ARFIP1: variants seen among roughly 807,000 people sequenced by gnomAD.
ARFIP1 encodes the protein ARF interacting protein 1.
Under a neutral mutation model 42.5 loss-of-function variants are expected in ARFIP1, and 24 were observed. That is an observed-to-expected ratio of 0.57 (90% CI 0.41 to 0.80). ARFIP1 has a LOEUF of 0.80. Among genes scored for constraint, ARFIP1 ranks in the 30% least tolerant of loss-of-function variants. The probability of loss-of-function intolerance (pLI) is 0.00; values close to 1 mark genes in which losing one functional copy is unlikely to be tolerated. For synonymous variants in ARFIP1, 141 were observed against 153.7 expected, an observed-to-expected ratio of 0.92 and a Z score of 0.61; for missense variants, 354 against 434.0, an observed-to-expected ratio of 0.82 and a Z score of 1.64.
intron 1 of ARFIP1, among the ~76,000 whole-genome samples, chr4:152,783,399 T>C (rs1730617940): frequency 6.6e-6 from 1 of 152,256 alleles, no homozygotes; most frequent in Non-Finnish European, 1.5e-5. Context: ...TATCTAACAC[T>C]GTAACAGTTA....
At chr4:152,884,896 A>G (rs1254316982) in intron 7 of ARFIP1, among the ~76,000 whole-genome samples, 4 of 152,096 alleles carry the variant, frequency 2.6e-5, no homozygotes, top group African/African-American at 9.6e-5. Context: ...GAACAAAATT[A>G]TAAATCAAGT....
Position 152,870,841 on chromosome 4 carries a change from T to A in ARFIP1, c.291T>A (p.Val97=). The A allele has an allele frequency of 1.2e-6, 2 of 1,612,212 alleles. No individual in the cohort carries two copies. Among genetic ancestry groups the A allele is most frequent in the Non-Finnish European group, 1.7e-6 (2 of 1,178,320 alleles). Residue 97 remains valine, a synonymous_variant, in exon 4 of 9, where the codon GTT becomes GTA. Transcript: ENST00000353617. The part of the protein sequence containing the change: ...RLAQQGSDLI[V]PAGGQRTQTK... The stretch of plus-strand genomic sequence containing the variant: ...CTCAGCAAGGAAGTGATTTAATTGT[T>A]CCTGCAGGTATTCACTGCACTGATT...
At chr4:152,887,092 G>A (rs1736323690) in intron 7 of ARFIP1, among the ~76,000 whole-genome samples, 1 of 151,936 alleles carries the variant, frequency 6.6e-6, no homozygotes, top group South Asian at 2.1e-4. Context: ...TAAGCTTTGT[G>A]ATTCTGATCT....
At chr4:152,860,635 G>A (rs1294283186) in intron 2 of ARFIP1, among the ~76,000 whole-genome samples, 3 of 152,160 alleles carry the variant, frequency 2.0e-5, no homozygotes, top group Admixed American at 6.5e-5. Flanking sequence ...ACATCTCACT[G>A]CCAGTGTGAT....
intron 1 of ARFIP1, among the ~76,000 whole-genome samples, chr4:152,821,398 G>T (rs1730355127): frequency 6.6e-6 from 1 of 152,126 alleles, no homozygotes; most frequent in South Asian, 2.1e-4. Flanking sequence ...AAGAATTTCA[G>T]AACTCAAAGA....
intron 3 of ARFIP1, among the ~76,000 whole-genome samples, chr4:152,867,800 T>G (rs1416036046): frequency 6.6e-6 from 1 of 152,202 alleles, no homozygotes; most frequent in African/African-American, 2.4e-5. Flanking sequence ...AATATATGTC[T>G]CTCTGAACTG....
intron 3 of ARFIP1, among the ~76,000 whole-genome samples, chr4:152,865,657 T>G (rs1224825988): frequency 6.6e-6 from 1 of 152,122 alleles, no homozygotes. Context: ...AGCAATCACG[T>G]CAGTGTCTTA....
intron 1 of ARFIP1, among the ~76,000 whole-genome samples, chr4:152,821,234 A>G (rs1232579162): frequency 6.6e-6 from 1 of 152,230 alleles, no homozygotes; most frequent in Non-Finnish European, 1.5e-5. Flanking sequence ...TAAAACCAAC[A>G]TAAATTTAAA....
chr4:152,894,276 T>G (rs1737122352), intron 8 of ARFIP1, among the ~76,000 whole-genome samples: 1 of 151,170 alleles, frequency 6.6e-6, no homozygotes, highest in Non-Finnish European at 1.5e-5. Flanking sequence ...ACACTAAAGG[T>G]TTGGAAAAGC....
intron 2 of ARFIP1, among the ~76,000 whole-genome samples, 156 bp downstream of exon 2, chr4:152,829,882 A>T (rs1213880182): frequency 6.6e-6 from 1 of 152,132 alleles, no homozygotes; most frequent in Non-Finnish European, 1.5e-5. Flanking sequence ...AAGGAAGGCC[A>T]TTTTAGTAGT....
intron 1 of ARFIP1, among the ~76,000 whole-genome samples, chr4:152,806,698 G>A (rs1162840586): frequency 1.3e-5 from 2 of 151,788 alleles, no homozygotes; most frequent in Admixed American, 6.6e-5. Flanking sequence ...TACATTACTT[G>A]TCTCCCAGGC....
At chr4:152,874,102 T>C (rs1341666312) in intron 5 of ARFIP1, among the ~76,000 whole-genome samples, 1 of 152,230 alleles carries the variant, frequency 6.6e-6, no homozygotes, top group Non-Finnish European at 1.5e-5. Flanking sequence ...GTTTAGTTGA[T>C]GTTTTCATTG....
chr4:152,888,820 G>A (rs765204656), intron 8 of ARFIP1, among the ~76,000 whole-genome samples: 9 of 152,108 alleles, frequency 5.9e-5, no homozygotes, highest in African/African-American at 1.4e-4. Context: ...CTAGAGCAAC[G>A]AGGGCTGAAC....
intron 2 of ARFIP1, among the ~76,000 whole-genome samples, chr4:152,842,964 T>C (rs1732215034): frequency 6.6e-6 from 1 of 152,122 alleles, no homozygotes; most frequent in Admixed American, 6.5e-5. Flanking sequence ...TGAACTTGTG[T>C]GATTTTTTGG....
chr4:152,782,994 G>A (rs1008380657), intron 1 of ARFIP1, among the ~76,000 whole-genome samples: 9 of 152,138 alleles, frequency 5.9e-5, no homozygotes, highest in Non-Finnish European at 1.0e-4. Context: ...ACTTGGGGGA[G>A]CAGTCAACAT....
intron 2 of ARFIP1, among the ~76,000 whole-genome samples, chr4:152,839,097 A>G (rs1731870810): frequency 6.6e-6 from 1 of 152,112 alleles, no homozygotes; most frequent in South Asian, 2.1e-4. Context: ...TGACTTGTAT[A>G]TGTTAAACCA....
chr4:152,890,350 C>G (rs865918780), intron 8 of ARFIP1, among the ~76,000 whole-genome samples: 2 of 152,068 alleles, frequency 1.3e-5, no homozygotes, highest in African/African-American at 4.8e-5. Flanking sequence ...GCCAGGTCGT[C>G]TCTATAAATT....
intron 2 of ARFIP1, among the ~76,000 whole-genome samples, chr4:152,830,862 C>A (rs973108392): frequency 3.3e-5 from 5 of 152,104 alleles, no homozygotes; most frequent in Non-Finnish European, 7.4e-5. Context: ...ATAAATAGAT[C>A]GGTTTAAATA....
chr4:152,878,197 AT>A, intron 5 of ARFIP1, among the ~76,000 whole-genome samples: 1 of 152,204 alleles, frequency 6.6e-6, no homozygotes, highest in Non-Finnish European at 1.5e-5. Flanking sequence ...GTTCTTCAAA[AT>A]GAATTTTTCA....
Sources: allele counts gnomAD v4.1 joint callset (sites outside exome capture counted in the v4.1 genomes callset), GRCh38; gene constraint gnomAD v4.1.1; transcripts MANE v1.5; gene names NCBI Gene and HGNC (gene_info 2026-07-23, HGNC 2026-07-21).